The following ST8SIA1 variants were observed in gnomAD, a reference collection of about 807,000 sequenced individuals.
ST8SIA1 encodes the protein ST8 alpha-N-acetyl-neuraminide alpha-2,8-sialyltransferase 1.
Under a neutral mutation model 35.9 loss-of-function variants are expected in ST8SIA1, and 16 were observed. That is an observed-to-expected ratio of 0.45 (90% confidence interval 0.30 to 0.68). The LOEUF is 0.68. Ranked by LOEUF, ST8SIA1 falls within the 30% of genes least tolerant of loss-of-function variation. ST8SIA1 has a pLI of 0.09. For missense variants in ST8SIA1, 383 were observed against 453.6 expected (o/e 0.84, Z 1.41); for synonymous variants, 170 against 169.6 (o/e 1.00, Z -0.02).
At chr12:22,213,846 GCTGA>G (rs1865202882) in intron 4 of ST8SIA1, among the ~76,000 whole-genome samples, 1 of 152,138 alleles carries the variant, frequency 6.6e-6, no homozygotes, top group South Asian at 2.1e-4. Context: ...AGTGTGGAGG[GCTGA>G]TCTTTAGCTG....
chr12:22,285,877 C>CAAAAAAAACAAAAAAAACAAAAAAAAAAA (rs67273710), intron 2 of ST8SIA1, among the ~76,000 whole-genome samples: 19 of 103,060 alleles, frequency 1.8e-4, no homozygotes, highest in East Asian at 3.2e-4. Context: ...CTGTCAAAAA[C>CAAAAAAAACAAAAAAAACAAAAAAAAAAA]AAAAAAAAAA....
At chr12:22,279,070 A>G (rs534171195) in intron 2 of ST8SIA1, among the ~76,000 whole-genome samples, 15 of 152,288 alleles carry the variant, frequency 9.8e-5, no homozygotes, top group African/African-American at 3.1e-4. Context: ...TAAGAACCTA[A>G]ATGTTTTTGT....
intron 1 of ST8SIA1, among the ~76,000 whole-genome samples, chr12:22,291,033 G>A (rs1003608770): frequency 1.3e-5 from 2 of 152,156 alleles, no homozygotes; most frequent in Admixed American, 6.5e-5. Context: ...TGTAGCTAAT[G>A]ACGCTATAAC....
At chr12:22,231,951 T>G (rs1865426564) in intron 4 of ST8SIA1, among the ~76,000 whole-genome samples, 1 of 152,186 alleles carries the variant, frequency 6.6e-6, no homozygotes, top group East Asian at 1.9e-4. Context: ...TGAGAAATGC[T>G]GCCACTTGAA....
chr12:22,283,204 C>T (rs866554881), intron 2 of ST8SIA1, among the ~76,000 whole-genome samples: 6 of 152,050 alleles, frequency 3.9e-5, no homozygotes, highest in South Asian at 2.1e-4. Context: ...CCTGGGTGAA[C>T]GTGCTGAGGA....
At chr12:22,284,017 C>G (rs962039308) in intron 2 of ST8SIA1, among the ~76,000 whole-genome samples, 1 of 152,080 alleles carries the variant, frequency 6.6e-6, no homozygotes, top group Non-Finnish European at 1.5e-5. Flanking sequence ...TAGCATAGAA[C>G]TAACTAACTA....
chr12:22,326,909 T>C (rs1866689212), intron 1 of ST8SIA1, among the ~76,000 whole-genome samples: 1 of 152,194 alleles, frequency 6.6e-6, no homozygotes, highest in Non-Finnish European at 1.5e-5. Flanking sequence ...CATAGTATCA[T>C]TATTTCCAAG....
chr12:22,327,606 A>T (rs956674776), intron 1 of ST8SIA1, among the ~76,000 whole-genome samples: 2 of 152,200 alleles, frequency 1.3e-5, no homozygotes, highest in Non-Finnish European at 2.9e-5. Flanking sequence ...AGAGAAAAAG[A>T]AGGATGTGGC....
At chr12:22,281,503 C>G (rs764678508) in intron 2 of ST8SIA1, among the ~76,000 whole-genome samples, 1 of 152,122 alleles carries the variant, frequency 6.6e-6, no homozygotes, top group Non-Finnish European at 1.5e-5. Flanking sequence ...AACAAAGAAG[C>G]AATGCAAGGT....
At chr12:22,285,871 CAAAAACAAAAA>C (rs1476231404) in intron 2 of ST8SIA1, among the ~76,000 whole-genome samples, 2 of 94,952 alleles carry the variant, frequency 2.1e-5, no homozygotes, top group Non-Finnish European at 3.9e-5. Flanking sequence ...AAGACTCTGT[CAAAAACAAAAA>C]AAAAAAAAAA....
At chr12:22,305,125 G>A (rs1376277739) in intron 1 of ST8SIA1, among the ~76,000 whole-genome samples, 1 of 152,136 alleles carries the variant, frequency 6.6e-6, no homozygotes. Context: ...ACTTCTATCG[G>A]TATGCCTAAT....
intron 1 of ST8SIA1, among the ~76,000 whole-genome samples, chr12:22,311,196 A>G (rs1047304526): frequency 5.3e-5 from 8 of 152,178 alleles, no homozygotes; most frequent in Non-Finnish European, 1.0e-4. Context: ...ATGAAGGTGA[A>G]TAAGATGCAG....
intron 1 of ST8SIA1, among the ~76,000 whole-genome samples, chr12:22,302,316 A>G (rs1178715878): frequency 1.3e-5 from 2 of 152,170 alleles, no homozygotes; most frequent in Non-Finnish European, 2.9e-5. Flanking sequence ...CTGCTAACTG[A>G]ATTTAGACAA....
intron 2 of ST8SIA1, 36 bp downstream of exon 2, chr12:22,287,113 A>G: frequency 6.4e-7 from 1 of 1,565,202 alleles, no homozygotes; most frequent in Non-Finnish European, 8.6e-7. Context: ...AAGAAATTTA[A>G]GAAACCATAC....
chr12:22,249,510 G>A (rs985012675), intron 3 of ST8SIA1, among the ~76,000 whole-genome samples: 3 of 152,056 alleles, frequency 2.0e-5, no homozygotes, highest in Non-Finnish European at 2.9e-5. Flanking sequence ...GTGAGCCACT[G>A]CACCCAGCCA....
chr12:22,256,784 A>C (rs1865732797), intron 2 of ST8SIA1, among the ~76,000 whole-genome samples: 1 of 152,196 alleles, frequency 6.6e-6, no homozygotes, highest in Non-Finnish European at 1.5e-5. Context: ...ATGTCTAAGC[A>C]TTTGCCAGCA....
At position 22,201,633 on chromosome 12, in the gene ST8SIA1, T is replaced by G; in HGVS notation, c.990A>C (p.Gln330His). 1 of 1,614,066 alleles carries G rather than the reference T, an allele frequency of 6.2e-7. No homozygotes were observed. The highest frequency in any genetic ancestry group is 8.5e-7 in the Non-Finnish European group (1 of 1,179,976). ...CACCGATTTTATGAAGATACCAGAG[T>G]TGGAGAAATTCCTCGGGCATGGCAT... The part of the protein sequence containing the change: ...GFHAMPEEFL[Q>H]LWYLHKIGAL... Residue 330 changes from glutamine (Q) to histidine (H), a missense_variant, in exon 5 of 5, where the codon CAA becomes CAC. Physicochemically the swap from Gln to His is conservative, Grantham distance 24 (BLOSUM62 0). Transcript: ENST00000396037.
At chr12:22,300,507 A>G (rs1866305739) in intron 1 of ST8SIA1, among the ~76,000 whole-genome samples, 1 of 152,224 alleles carries the variant, frequency 6.6e-6, no homozygotes, top group South Asian at 2.1e-4. Flanking sequence ...AATAAAACTT[A>G]GAAAGGTTAT....
intron 1 of ST8SIA1, among the ~76,000 whole-genome samples, chr12:22,328,666 T>C (rs1442158989): frequency 6.6e-6 from 1 of 152,046 alleles, no homozygotes; most frequent in Non-Finnish European, 1.5e-5. Flanking sequence ...ACATGCATGG[T>C]ATAAAGAAAA....
Sources: allele counts gnomAD v4.1 joint callset (sites outside exome capture counted in the v4.1 genomes callset), GRCh38; gene constraint gnomAD v4.1.1; transcripts MANE v1.5; gene names NCBI Gene and HGNC (gene_info 2026-07-23, HGNC 2026-07-21).